Variants in TMEM108 observed in about 807,000 individuals in gnomAD.
The protein encoded by TMEM108 is transmembrane protein 108, also known as cancer/testis antigen 124.
A neutral mutation model predicts 35.1 loss-of-function variants in TMEM108; 12 were observed. The ratio of observed to expected loss-of-function variants is 0.34; its 90% confidence interval spans 0.22 to 0.55. TMEM108 has a LOEUF of 0.55. Ranked by LOEUF, TMEM108 falls within the 20% of genes least tolerant of loss-of-function variation. The pLI is 0.89. For synonymous variants in TMEM108, 287 were observed against 308.6 expected, an observed-to-expected ratio of 0.93 and a Z score of 0.73; for missense variants, 680 against 753.3, an observed-to-expected ratio of 0.90 and a Z score of 1.14.
At chr3:133,069,880 G>T (rs1256246537) in intron 2 of TMEM108, among the ~76,000 whole-genome samples, 1 of 152,026 alleles carries the variant, frequency 6.6e-6, no homozygotes. Context: ...ACAGTATTTT[G>T]TATATTTACA....
At chr3:133,158,404 G>T (rs1323954616) in intron 2 of TMEM108, among the ~76,000 whole-genome samples, 1 of 149,354 alleles carries the variant, frequency 6.7e-6, no homozygotes, top group Non-Finnish European at 1.5e-5. Flanking sequence ...GGAGGCGGAG[G>T]TCACAGTGAG....
At chr3:133,099,512 A>G (rs558105138) in intron 2 of TMEM108, among the ~76,000 whole-genome samples, 173 of 152,186 alleles carry the variant, frequency 1.1e-3, no homozygotes, top group Non-Finnish European at 2.0e-3. Context: ...TTTCTTTTCT[A>G]CTGCATCATC....
At chr3:133,160,516 A>G (rs369448562) in intron 2 of TMEM108, among the ~76,000 whole-genome samples, 5 of 152,190 alleles carry the variant, frequency 3.3e-5, no homozygotes, top group African/African-American at 9.7e-5. Flanking sequence ...TAGGTTAAAT[A>G]TTTTAGCCTT....
intron 3 of TMEM108, among the ~76,000 whole-genome samples, chr3:133,270,294 G>A (rs114376944): frequency 1.2e-3 from 189 of 152,254 alleles, no homozygotes; most frequent in African/African-American, 4.2e-3. Flanking sequence ...AAGTATTTTA[G>A]TCTTTTGTGT....
In TMEM108 at chr3:133,380,540, A is replaced by G. The variant is rs1187107089; in HGVS notation, c.829A>G (p.Lys277Glu). 6.2e-7 allele frequency: 1 copy of G among 1,613,872 alleles called. No individual in the cohort carries two copies. Among genetic ancestry groups the G allele is most frequent in the Non-Finnish European group, 8.5e-7 (1 of 1,179,982 alleles). The part of the protein sequence containing the change: ...TTTSLGPAKD[K>E]PGLRRAAQGG... ...CACCTCCCTGGGGCCTGCAAAGGAC[A>G]AGCCAGGCCTTCGCAGAGCAGCCCA... Residue 277 changes from lysine to glutamate, a missense_variant, in exon 4 of 6, where the codon AAG becomes GAG. Coordinates refer to ENST00000321871, the MANE Select transcript of TMEM108 (RefSeq NM_023943.4). The surrounding 1 kb of genome is among the most constrained non-coding windows in gnomAD (Gnocchi z 5.3).
intron 2 of TMEM108, among the ~76,000 whole-genome samples, chr3:133,194,611 C>A (rs989060458): frequency 2.0e-5 from 3 of 150,688 alleles, no homozygotes; most frequent in Non-Finnish European, 4.4e-5. Context: ...GGAACAAATT[C>A]ACTTTATCTA....
chr3:133,386,552 A>G, intron 4 of TMEM108: 1 of 1,513,948 alleles, frequency 6.6e-7, no homozygotes, highest in East Asian at 2.5e-5. Flanking sequence ...CTCCCCAGTG[A>G]CATTCCTGGG....
chr3:133,266,745 G>C (rs1167208551), intron 3 of TMEM108, among the ~76,000 whole-genome samples: 1 of 152,102 alleles, frequency 6.6e-6, no homozygotes, highest in African/African-American at 2.4e-5. Flanking sequence ...CATGTGACAT[G>C]GCTGGTCAGG....
At chr3:133,283,905 G>A (rs1946949535) in intron 3 of TMEM108, among the ~76,000 whole-genome samples, 1 of 152,226 alleles carries the variant, frequency 6.6e-6, no homozygotes, top group Non-Finnish European at 1.5e-5. Context: ...ACCAAGAGAT[G>A]TAAGAGGCAA....
At chr3:133,150,043 G>A (rs1260074098) in intron 2 of TMEM108, among the ~76,000 whole-genome samples, 3 of 152,190 alleles carry the variant, frequency 2.0e-5, no homozygotes. Context: ...AGCTCTATTA[G>A]TTTTTTGAGG....
At chr3:133,142,927 T>C (rs1944661514) in intron 2 of TMEM108, among the ~76,000 whole-genome samples, 1 of 152,194 alleles carries the variant, frequency 6.6e-6, no homozygotes, top group Admixed American at 6.5e-5. Flanking sequence ...AGAGGTTATA[T>C]CTTGAATATG....
At chr3:133,259,493 T>A (rs1946594634) in intron 3 of TMEM108, among the ~76,000 whole-genome samples, 1 of 152,206 alleles carries the variant, frequency 6.6e-6, no homozygotes, top group African/African-American at 2.4e-5. Context: ...TTATCCCCAT[T>A]ATACAGTTGA....
intron 2 of TMEM108, among the ~76,000 whole-genome samples, chr3:133,140,816 T>G (rs1029847498): frequency 7.9e-5 from 12 of 152,184 alleles, no homozygotes; most frequent in Non-Finnish European, 1.8e-4. Context: ...GGATAGAAAC[T>G]AGTCATAATT....
chr3:133,299,509 A>G lies in TMEM108; in HGVS notation c.40+70158A>G, dbSNP rs147886154. Among the ~76,000 whole-genome samples, 1,189 of 152,266 alleles carry G rather than the reference A, an allele frequency of 7.8e-3. 24 individuals are homozygous for G. The highest frequency in any genetic ancestry group is 0.026 in the African/African-American group (1,080 of 41,516). ...AAGCATAGGTTTTCCCTTCTGCAGTACGTTTATATAGAAGATGACTTGGAG... is the reference window on the plus strand; with the variant it reads ...AAGCATAGGTTTTCCCTTCTGCAGTGCGTTTATATAGAAGATGACTTGGAG... On this transcript the variant is annotated intron_variant, in intron 3 of 5. Coordinates refer to ENST00000321871, the MANE Select transcript of TMEM108 (RefSeq NM_023943.4).
chr3:133,240,323 A>T (rs1946295216), intron 3 of TMEM108, among the ~76,000 whole-genome samples: 1 of 152,164 alleles, frequency 6.6e-6, no homozygotes, highest in Admixed American at 6.5e-5. Context: ...TGAAAGTGTC[A>T]TGTTGATTTA....
At chr3:133,241,397 CAG>C (rs1171526972) in intron 3 of TMEM108, among the ~76,000 whole-genome samples, 2 of 152,220 alleles carry the variant, frequency 1.3e-5, no homozygotes, top group Non-Finnish European at 2.9e-5. Context: ...CTCCTCCCCT[CAG>C]AAGTTTTCTA....
intron 2 of TMEM108, among the ~76,000 whole-genome samples, chr3:133,070,485 C>G (rs934274277): frequency 1.4e-4 from 21 of 152,074 alleles, no homozygotes; most frequent in Non-Finnish European, 2.9e-4. Context: ...GGTGGATTCT[C>G]CATTGGAAAA....
At chr3:133,189,100 T>G (rs1261117604) in intron 2 of TMEM108, among the ~76,000 whole-genome samples, 1 of 152,222 alleles carries the variant, frequency 6.6e-6, no homozygotes, top group Non-Finnish European at 1.5e-5. Flanking sequence ...GAAGCAAGTT[T>G]GGTAAACACA....
intron 3 of TMEM108, among the ~76,000 whole-genome samples, chr3:133,315,047 T>C (rs747001705): frequency 1.3e-5 from 2 of 152,194 alleles, no homozygotes; most frequent in Non-Finnish European, 1.5e-5. Context: ...GTTTGTAATA[T>C]GGAGACAATA....
Sources: gnomAD v4.1 joint callset for allele counts (sites outside exome capture counted in the v4.1 genomes callset) on GRCh38, gnomAD v4.1.1 for gene constraint, Gnocchi (gnomAD v3.1) non-coding constraint, MANE v1.5 for transcripts, NCBI Gene and HGNC (gene_info 2026-07-23, HGNC 2026-07-21) for gene names.